Variants in SHISAL1 observed in about 807,000 individuals in gnomAD.
The protein encoded by SHISAL1 is shisa like 1.
In SHISAL1, 9 loss-of-function variants were observed where a neutral mutation model predicts 22.6. The observed-to-expected ratio is 0.40, with a 90% confidence interval of 0.24 to 0.70. The LOEUF (loss-of-function observed/expected upper bound fraction) is 0.70. Ranked by LOEUF, SHISAL1 falls within the 30% of genes least tolerant of loss-of-function variation. The pLI is 0.39. For missense variants in SHISAL1, 246 were observed against 270.6 expected (o/e 0.91, Z 0.64); for synonymous variants, 119 against 115.4 (o/e 1.03, Z -0.20).
At chr22:44,331,209 G>A in the SHISAL1 span, among the ~76,000 whole-genome samples, 2 of 151,956 alleles carry the variant, frequency 1.3e-5, no homozygotes, top group Non-Finnish European at 2.9e-5. The surrounding 1 kb of genome is among the most constrained non-coding windows in gnomAD (Gnocchi z 5.2). Flanking sequence ...CCGAACACCG[G>A]CTGTCCCGCA....
At chr22:44,303,518 C>T (rs985006185) in intron 1 of SHISAL1, among the ~76,000 whole-genome samples, 1 of 152,118 alleles carries the variant, frequency 6.6e-6, no homozygotes, top group Admixed American at 6.5e-5. Flanking sequence ...CAAGGAATGC[C>T]AAAGATTGCC....
intron 4 of SHISAL1, among the ~76,000 whole-genome samples, chr22:44,264,156 G>C (rs1450298005): frequency 6.6e-6 from 1 of 152,220 alleles, no homozygotes; most frequent in Non-Finnish European, 1.5e-5. Flanking sequence ...GGCCCAGAGT[G>C]CTCTGCCCCA....
chr22:44,329,997 G>C, the SHISAL1 span, among the ~76,000 whole-genome samples: 1 of 152,158 alleles, frequency 6.6e-6, no homozygotes, highest in Admixed American at 6.5e-5. Context: ...CATCAGTCTG[G>C]GTCTGAACAG....
intron 1 of SHISAL1, among the ~76,000 whole-genome samples, chr22:44,305,020 G>A (rs549656651): frequency 2.0e-5 from 3 of 152,204 alleles, no homozygotes; most frequent in Admixed American, 6.5e-5. Context: ...GATGTTGCGG[G>A]GCTGATGTTC....
Position 44,278,421 on chromosome 22 carries a change from C to G in SHISAL1, c.599+7007G>C, listed in dbSNP as rs1226298472. 3.3e-5 allele frequency among the ~76,000 whole-genome samples: 5 copies of G among 152,184 alleles called. 1 individual carries two copies. The South Asian group carries it at 1.0e-3, about 32-fold the overall frequency. ...GTTCTGTCCCTCTAGGGAACCCTGA[C>G]TAATACAGTCCTCCAGCAAGCAGGG... is the stretch of plus-strand genomic sequence containing the variant. On this transcript the variant is annotated intron_variant, in intron 4 of 4. Transcript: ENST00000381176.
At chr22:44,269,242 AAT>A (rs942422807) in intron 4 of SHISAL1, among the ~76,000 whole-genome samples, 3 of 151,244 alleles carry the variant, frequency 2.0e-5, no homozygotes, top group Admixed American at 2.0e-4. Context: ...AGACCCTCAC[AAT>A]ATATACACAC....
chr22:44,259,822 CCTTT>C (rs1197540792), intron 4 of SHISAL1, among the ~76,000 whole-genome samples: 1 of 152,168 alleles, frequency 6.6e-6, no homozygotes, highest in East Asian at 1.9e-4. Flanking sequence ...CTTATCTTTA[CCTTT>C]CTTCTTTTTC....
chr22:44,313,446 T>C (rs1035953152), upstream of SHISAL1, among the ~76,000 whole-genome samples: 1 of 152,184 alleles, frequency 6.6e-6, no homozygotes, highest in African/African-American at 2.4e-5. Context: ...CCTGCCTGAC[T>C]CCAAGCTGGG....
chr22:44,253,425 A>ATTTTTTTTT lies in SHISAL1; in HGVS notation c.*-3741_*-3740insAAAAAAAAA, dbSNP rs1491154287. On this transcript the variant is annotated intron_variant, in intron 4 of 4. Transcript: ENST00000381176. The stretch of plus-strand genomic sequence containing the variant: ...AAGCAGAGTATGCTAGTATTAGTGC[A>ATTTTTTTTT]TGTTTTTTTTTTTTTTTTTTTTTGA... Among the ~76,000 whole-genome samples the ATTTTTTTTT allele has an allele frequency of 3.7e-5, 4 of 107,884 alleles. 2 individuals carry two copies. The highest frequency in any genetic ancestry group is 4.0e-5 in the Non-Finnish European group (2 of 50,378). 70.8% of individuals were successfully genotyped at this position (107,884 alleles called of 152,430 possible).
intron 4 of SHISAL1, among the ~76,000 whole-genome samples, chr22:44,253,596 ATT>A (rs71759472): frequency 0.1 from 14,465 of 138,182 alleles, 687 homozygotes; most frequent in East Asian, 0.13. Context: ...TGTCTGGCTA[ATT>A]TTTTTTTTTT....
intron 4 of SHISAL1, among the ~76,000 whole-genome samples, chr22:44,270,262 T>C (rs2055197418): frequency 6.6e-6 from 1 of 152,072 alleles, no homozygotes; most frequent in Non-Finnish European, 1.5e-5. Flanking sequence ...TTGGATGCCG[T>C]CAACGTTGAG....
At position 44,246,121 on chromosome 22, in the gene SHISAL1, T is replaced by C. The variant is rs573491223; in HGVS notation, c.*3564A>G. 1.3e-5 allele frequency: 2 copies of C among 152,356 alleles called. No homozygotes were observed. Among genetic ancestry groups the C allele is most frequent in the Admixed American group, 6.5e-5 (1 of 15,302 alleles). 9.4% of individuals were successfully genotyped at this position (152,356 alleles called of 1,614,324 possible). ...CGGGTGAGAAGGCTGCTTCTCTAGG[T>C]GCAGGGCACGTTCAGAGGCTAACTT... On this transcript the variant is annotated 3_prime_UTR_variant, in exon 5 of 5. Coordinates refer to ENST00000381176, the MANE Select transcript of SHISAL1 (RefSeq NM_001099294.2).
Position 44,310,554 on chromosome 22 carries a change from C to G in SHISAL1, c.-33+2197G>C, listed in dbSNP as rs2055511143. Among the ~76,000 whole-genome samples, 1 of 152,184 alleles carries G rather than the reference C, an allele frequency of 6.6e-6. No individual in the cohort carries two copies. The highest frequency in any genetic ancestry group is 2.4e-5 in the African/African-American group (1 of 41,452). ...TGTGAAACGGGAGCCGTGCCCCACA[C>G]CTTGCAGGTATACCAAACATAGAAA... is the stretch of plus-strand genomic sequence containing the variant. On this transcript the variant is annotated intron_variant, in intron 1 of 4. Transcript: ENST00000381176. The surrounding 1 kb of genome is among the most constrained non-coding windows in gnomAD (Gnocchi z 4.0).
chr22:44,274,117 G>T (rs1178463517), intron 4 of SHISAL1, among the ~76,000 whole-genome samples: 1 of 150,926 alleles, frequency 6.6e-6, no homozygotes, highest in Non-Finnish European at 1.5e-5. Flanking sequence ...GTGGTGGTGG[G>T]TGTCTGTAAT....
At chr22:44,266,798 C>G (rs1276060271) in intron 4 of SHISAL1, among the ~76,000 whole-genome samples, 1 of 152,094 alleles carries the variant, frequency 6.6e-6, no homozygotes, top group East Asian at 1.9e-4. Flanking sequence ...CAGCTCCACG[C>G]CCGTCAGCTC....
intron 1 of SHISAL1, among the ~76,000 whole-genome samples, chr22:44,312,486 A>G (rs2055526660): frequency 6.6e-6 from 1 of 152,160 alleles, no homozygotes; most frequent in Non-Finnish European, 1.5e-5. Context: ...GTCACACAGC[A>G]GGTAGGTAGT....
At position 44,244,574 on chromosome 22, in the gene SHISAL1, CTGGGGTGG is replaced by C. The variant is rs2054982319; in HGVS notation, c.*5103_*5110del. The stretch of plus-strand genomic sequence containing the variant: ...ACCAGCTGTTGGCTTGGACTAGAAA[CTGGGGTGG>C]TGGGGGGCAATGACACCTCCAAGGT... On this transcript the variant is annotated 3_prime_UTR_variant, in exon 5 of 5. Transcript: ENST00000381176. 1 of 152,228 alleles carries C rather than the reference CTGGGGTGG, an allele frequency of 6.6e-6. No homozygotes were observed. Among genetic ancestry groups the C allele is most frequent in the African/African-American group, 2.4e-5 (1 of 41,454 alleles). The allele number at this position is 152,228 out of a possible 1,614,324, so 9.4% of individuals were successfully genotyped here.
rs575048193 is a variant in SHISAL1, at chr22:44,263,370, C to T, written c.*-13685G>A. ...ACAGGCGTGAGCCACTGCACCCGGC[C>T]GCCTTCACATATTTTTCTAAGGGAT... On this transcript the variant is annotated intron_variant, in intron 4 of 4. Coordinates refer to ENST00000381176, the MANE Select transcript of SHISAL1 (RefSeq NM_001099294.2). Among the ~76,000 whole-genome samples, 73 of 152,184 alleles carry T rather than the reference C, an allele frequency of 4.8e-4. 1 individual carries two copies. Among genetic ancestry groups the T allele is most frequent in the Admixed American group, 6.5e-4 (10 of 15,280 alleles).
rs748764414 is a variant in SHISAL1 at position 44,285,667 on chromosome 22, G to A, written c.360C>T (p.Tyr120=). The A allele has an allele frequency of 2.5e-6, 4 of 1,614,200 alleles. No homozygotes were observed. Among genetic ancestry groups the A allele is most frequent in the Admixed American group, 3.3e-5 (2 of 60,032 alleles). ...LMLLVLDLLY[Y]SAMNYDICKV... The stretch of plus-strand genomic sequence containing the variant: ...TGCAGATGTCGTAGTTCATTGCCGA[G>A]TAATACAAAAGGTCCAGAACCAGCA... Residue 120 remains tyrosine, a synonymous_variant, in exon 4 of 5, where the codon TAC becomes TAT. Coordinates refer to ENST00000381176, the MANE Select transcript of SHISAL1 (RefSeq NM_001099294.2).
Sources: gnomAD v4.1 joint callset for allele counts (sites outside exome capture counted in the v4.1 genomes callset) on GRCh38, gnomAD v4.1.1 for gene constraint, Gnocchi (gnomAD v3.1) non-coding constraint, MANE v1.5 for transcripts, NCBI Gene and HGNC (gene_info 2026-07-23, HGNC 2026-07-21) for gene names.